WDPCP: variants seen among roughly 807,000 people sequenced by gnomAD.
WDPCP encodes WD repeat-containing and planar cell polarity effector protein fritz homolog.
A neutral mutation model predicts 93.1 loss-of-function variants in WDPCP; 71 were observed. The ratio of observed to expected loss-of-function variants is 0.76; its 90% CI spans 0.63 to 0.93. The LOEUF (loss-of-function observed/expected upper bound fraction) is 0.93. Ranked by LOEUF, WDPCP falls within the 40% of genes least tolerant of loss-of-function variation. The probability of loss-of-function intolerance (pLI) is 0.00; values close to 1 mark genes in which losing one functional copy is unlikely to be tolerated. For missense variants in WDPCP, 844 were observed against 887.4 expected (o/e 0.95, Z 0.62); for synonymous variants, 315 against 315.0 (o/e 1.00, Z 0.00).
intron 12 of WDPCP, among the ~76,000 whole-genome samples, chr2:63,336,557 A>C (rs1337194250): frequency 6.6e-6 from 1 of 152,078 alleles, no homozygotes; most frequent in Admixed American, 6.6e-5. Flanking sequence ...TTTTAACATG[A>C]ATGGGTATTG....
intron 14 of WDPCP, among the ~76,000 whole-genome samples, chr2:63,181,329 G>A (rs762568905): frequency 5.3e-5 from 8 of 152,156 alleles, no homozygotes; most frequent in South Asian, 2.1e-4. Flanking sequence ...ATAGTTTCAG[G>A]TCTTACATTT....
chr2:63,800,626 C>T (rs1445472755), intron 2 of WDPCP, among the ~76,000 whole-genome samples: 2 of 152,148 alleles, frequency 1.3e-5, no homozygotes, highest in South Asian at 2.1e-4. Context: ...AGGCAGAGTA[C>T]TAATTTGGCA....
chr2:63,673,922 T>C (rs1325623385), intron 2 of WDPCP, among the ~76,000 whole-genome samples: 1 of 152,222 alleles, frequency 6.6e-6, no homozygotes, highest in Non-Finnish European at 1.5e-5. Flanking sequence ...TTCCAGTTGC[T>C]GTGGAATTTG....
intron 6 of WDPCP, among the ~76,000 whole-genome samples, chr2:63,455,342 T>C (rs762584842): frequency 8.6e-5 from 13 of 151,638 alleles, no homozygotes; most frequent in South Asian, 2.1e-4. Flanking sequence ...AGATATAGAC[T>C]GTTTGAACAG....
chr2:63,755,717 A>C (rs1354541744), intron 2 of WDPCP, among the ~76,000 whole-genome samples: 1 of 152,252 alleles, frequency 6.6e-6, no homozygotes, highest in African/African-American at 2.4e-5. Context: ...GCATGGCCTT[A>C]ACAAATGTTT....
chr2:63,236,734 C>CGGGA (rs1679426623), intron 14 of WDPCP, among the ~76,000 whole-genome samples: 2 of 152,166 alleles, frequency 1.3e-5, no homozygotes, highest in South Asian at 4.1e-4. Context: ...GGGGAAAGGA[C>CGGGA]TCCCTATATA....
At chr2:63,716,364 C>T (rs1017050178) in intron 2 of WDPCP, among the ~76,000 whole-genome samples, 3 of 152,140 alleles carry the variant, frequency 2.0e-5, no homozygotes, top group African/African-American at 7.2e-5. Context: ...GCAGTAAGCT[C>T]CTCCCTACCC....
intron 6 of WDPCP, among the ~76,000 whole-genome samples, chr2:63,477,635 C>T (rs1700045386): frequency 6.6e-6 from 1 of 152,002 alleles, no homozygotes; most frequent in South Asian, 2.1e-4. Flanking sequence ...AACAGAAAAG[C>T]CAAAAGAATC....
chr2:63,669,485 G>A (rs902349025), intron 2 of WDPCP, among the ~76,000 whole-genome samples: 1 of 151,398 alleles, frequency 6.6e-6, no homozygotes, highest in Non-Finnish European at 1.5e-5. Context: ...TCAGCCTCCC[G>A]AGTAGATGGG....
intron 9 of WDPCP, among the ~76,000 whole-genome samples, chr2:63,416,286 G>A (rs1363210236): frequency 2.3e-4 from 34 of 147,530 alleles, no homozygotes; most frequent in Admixed American, 1.7e-3. Flanking sequence ...TGCAACCTCC[G>A]CCTCCCGGGT....
chr2:63,165,990 T>C (rs1672937529), intron 15 of WDPCP, among the ~76,000 whole-genome samples: 1 of 152,016 alleles, frequency 6.6e-6, no homozygotes, highest in Non-Finnish European at 1.5e-5. Flanking sequence ...GCTTATGGAC[T>C]GGTTGCCTGT....
At chr2:63,564,578 A>G (rs1706882038) in intron 1 of WDPCP, 1 of 152,246 alleles carries the variant, frequency 6.6e-6, no homozygotes, top group Non-Finnish European at 1.5e-5. Context: ...TCGGCTAACC[A>G]GATAGCACAA....
intron 2 of WDPCP, among the ~76,000 whole-genome samples, chr2:63,669,231 G>T (rs1475354791): frequency 6.6e-6 from 1 of 152,156 alleles, no homozygotes; most frequent in African/African-American, 2.4e-5. Flanking sequence ...ATGAAATCTG[G>T]CAGGATATAA....
chr2:63,177,955 G>A (rs1673942911), intron 14 of WDPCP, among the ~76,000 whole-genome samples: 1 of 152,026 alleles, frequency 6.6e-6, no homozygotes, highest in Non-Finnish European at 1.5e-5. Flanking sequence ...TTTGTCAAAT[G>A]CTTTTTTGTG....
intron 2 of WDPCP, among the ~76,000 whole-genome samples, chr2:63,748,883 T>C (rs1238660728): frequency 6.6e-6 from 1 of 152,074 alleles, no homozygotes; most frequent in African/African-American, 2.4e-5. Flanking sequence ...TATAGATTAA[T>C]TTGCATTTGT....
At chr2:63,399,362 G>A (rs909138358) in intron 10 of WDPCP, among the ~76,000 whole-genome samples, 9 of 151,974 alleles carry the variant, frequency 5.9e-5, no homozygotes, top group Admixed American at 5.9e-4. Context: ...TTACAAGCTG[G>A]CAATTAGCAG....
chr2:63,664,542 A>C (rs1225796637), intron 2 of WDPCP, among the ~76,000 whole-genome samples: 1 of 152,184 alleles, frequency 6.6e-6, no homozygotes, highest in African/African-American at 2.4e-5. Context: ...TATGGTGGGT[A>C]CAACTGAAAT....
chr2:63,729,281 T>G (rs1370382952), intron 2 of WDPCP, among the ~76,000 whole-genome samples: 1 of 152,222 alleles, frequency 6.6e-6, no homozygotes, highest in South Asian at 2.1e-4. Flanking sequence ...GTATTAAATC[T>G]GATCTAAAAA....
chr2:63,808,390 G>C (rs1026759934), intron 2 of WDPCP, among the ~76,000 whole-genome samples: 69 of 135,488 alleles, frequency 5.1e-4, no homozygotes, highest in East Asian at 1.7e-3. Flanking sequence ...CTCTGATGCC[G>C]AGCCGAAGCT....
Sources: gnomAD v4.1 joint callset for allele counts (sites outside exome capture counted in the v4.1 genomes callset) on GRCh38, gnomAD v4.1.1 for gene constraint, MANE v1.5 for transcripts, NCBI Gene and HGNC (gene_info 2026-07-23, HGNC 2026-07-21) for gene names.